AFG2B: variants seen among roughly 807,000 people sequenced by gnomAD.
AFG2B encodes AAA ATPase AFG2B.
At chr15:45,411,790 T>TA in the AFG2B span, among the ~76,000 whole-genome samples, 39 of 151,596 alleles carry the variant, frequency 2.6e-4, no homozygotes, top group South Asian at 6.0e-3. Context: ...CCTGTGTCTT[T>TA]AAAAAAAAAT....
chr15:45,414,559 G>A, the AFG2B span: 1 of 1,610,666 alleles, frequency 6.2e-7, no homozygotes, highest in Admixed American at 1.7e-5. Context: ...TTCTCTTTTT[G>A]TGTACTTTCA....
At chr15:45,411,193 G>A in the AFG2B span, among the ~76,000 whole-genome samples, 71,298 of 151,954 alleles carry the variant, frequency 0.47, 21,477 homozygotes, top group East Asian at 0.83. Flanking sequence ...CAGAGAAACC[G>A]TGTCCGGGGG....
At chr15:45,410,903 A>G in the AFG2B span, among the ~76,000 whole-genome samples, 1 of 152,142 alleles carries the variant, frequency 6.6e-6, no homozygotes, top group Non-Finnish European at 1.5e-5. Context: ...TTAAAAAAAA[A>G]TAAGTTTATA....
At chr15:45,409,130 C>T in the AFG2B span, among the ~76,000 whole-genome samples, 6 of 152,112 alleles carry the variant, frequency 3.9e-5, no homozygotes, top group East Asian at 1.2e-3. Context: ...AATCCCAGCA[C>T]TTTGGGAGGC....
chr15:45,403,310 G>C, the AFG2B span: 1 of 1,594,432 alleles, frequency 6.3e-7, no homozygotes, highest in East Asian at 2.3e-5. Flanking sequence ...GAACTGGCCA[G>C]CCGCGGACCC....
the AFG2B span, among the ~76,000 whole-genome samples, chr15:45,412,836 C>G: frequency 3.3e-5 from 5 of 152,180 alleles, no homozygotes; most frequent in Admixed American, 2.0e-4. Context: ...CGCAACTCTT[C>G]AGATCCTCTC....
At chr15:45,403,112 C>T in the AFG2B span, 1 of 1,514,304 alleles carries the variant, frequency 6.6e-7, no homozygotes, top group Non-Finnish European at 8.8e-7. Context: ...GCCCTGACCG[C>T]GCTGGGCTTA....
chr15:45,418,343 CAA>C, the AFG2B span, among the ~76,000 whole-genome samples: 1,995 of 52,484 alleles, frequency 0.038, 32 homozygotes, highest in African/African-American at 0.11. Context: ...GACTCCATCT[CAA>C]AAAAAAAAAA....
At chr15:45,415,979 G>T in the AFG2B span, 4 of 433,188 alleles carry the variant, frequency 9.2e-6, no homozygotes, top group African/African-American at 4.1e-5. Flanking sequence ...GCTAGGAAAG[G>T]TGAGGTACAT....
chr15:45,410,385 C>T, the AFG2B span: 1 of 1,613,418 alleles, frequency 6.2e-7, no homozygotes, highest in African/African-American at 1.3e-5. Context: ...CAGGACAATC[C>T]TGTGATTGAT....
the AFG2B span, among the ~76,000 whole-genome samples, chr15:45,412,178 G>A: frequency 1.0e-3 from 155 of 152,050 alleles, 1 homozygote; most frequent in East Asian, 0.029. Context: ...CGAGGCAGGA[G>A]GATCACGAGG....
chr15:45,415,979 G>A, the AFG2B span: 1 of 433,188 alleles, frequency 2.3e-6, no homozygotes, highest in Non-Finnish European at 4.0e-6. Flanking sequence ...GCTAGGAAAG[G>A]TGAGGTACAT....
At chr15:45,412,314 T>C in the AFG2B span, among the ~76,000 whole-genome samples, 4 of 151,960 alleles carry the variant, frequency 2.6e-5, no homozygotes, top group Admixed American at 2.6e-4. Flanking sequence ...GGCAGGAGAA[T>C]CGCTTCAACC....
the AFG2B span, chr15:45,417,567 T>C: frequency 1.7e-6 from 1 of 596,824 alleles, no homozygotes; most frequent in Middle Eastern, 2.9e-4. Context: ...TCTGATCTTG[T>C]TCACAGAGAA....
the AFG2B span, among the ~76,000 whole-genome samples, chr15:45,410,130 A>G: frequency 1.3e-5 from 2 of 152,244 alleles, no homozygotes; most frequent in African/African-American, 4.8e-5. Context: ...GGATATATGT[A>G]TGCTTACTAG....
At chr15:45,410,360 G>T in the AFG2B span, 3 of 1,605,842 alleles carry the variant, frequency 1.9e-6, no homozygotes, top group Non-Finnish European at 1.7e-6. Context: ...TTTTTTGGGT[G>T]TATTTCTTCA....
chr15:45,415,529 A>T, the AFG2B span: 1 of 1,359,922 alleles, frequency 7.4e-7, no homozygotes, highest in Non-Finnish European at 1.0e-6. Context: ...TATAAATAGT[A>T]ATATCACATG....
At chr15:45,405,706 T>A in the AFG2B span, among the ~76,000 whole-genome samples, 2 of 152,202 alleles carry the variant, frequency 1.3e-5, no homozygotes, top group African/African-American at 4.8e-5. Flanking sequence ...CCTCTGGGTC[T>A]ACTGAGTGAA....
the AFG2B span, chr15:45,402,795 GC>G: frequency 6.3e-7 from 1 of 1,592,444 alleles, no homozygotes; most frequent in Non-Finnish European, 8.5e-7. Context: ...GGGCAGGCGC[GC>G]CCGGTGCCCG....
Sources: gnomAD v4.1 joint callset for allele counts (sites outside exome capture counted in the v4.1 genomes callset) on GRCh38, gnomAD v4.1.1 for gene constraint, MANE v1.5 for transcripts, NCBI Gene and HGNC (gene_info 2026-07-23, HGNC 2026-07-21) for gene names.